The following PAX3 variants were observed in gnomAD, a reference collection of about 807,000 sequenced individuals.
PAX3 encodes the protein paired box 3.
Under a neutral mutation model 51.6 loss-of-function variants are expected in PAX3, and 14 were observed. That is an observed-to-expected ratio of 0.27 (90% CI 0.18 to 0.42). PAX3 has a LOEUF of 0.42. PAX3 is among the 10% of genes least tolerant of loss of function. The probability of loss-of-function intolerance (pLI) is 1.00; values close to 1 mark genes in which losing one functional copy is unlikely to be tolerated. For missense variants in PAX3, 540 were observed against 642.8 expected, an observed-to-expected ratio of 0.84 and a Z score of 1.73; for synonymous variants, 280 against 253.4, an observed-to-expected ratio of 1.11 and a Z score of -1.00.
chr2:222,295,738 C>A, intron 2 of PAX3, 81 bp from the exon 3 acceptor site: 2 of 1,492,808 alleles, frequency 1.3e-6, no homozygotes, highest in East Asian at 2.3e-5. Flanking sequence ...CTGGGCCTGT[C>A]GGGATGCTCC....
intron 5 of PAX3, among the ~76,000 whole-genome samples, chr2:222,229,314 T>C (rs562984433): frequency 7.3e-5 from 11 of 151,244 alleles, no homozygotes; most frequent in African/African-American, 2.7e-4. Flanking sequence ...ATATCAATAC[T>C]GTATTAAAAT....
chr2:222,282,926 G>A (rs1405544461), intron 4 of PAX3, among the ~76,000 whole-genome samples: 1 of 152,200 alleles, frequency 6.6e-6, no homozygotes, highest in Non-Finnish European at 1.5e-5. Context: ...CAGATATAGG[G>A]ATAGGAGAAA....
At chr2:222,287,508 G>C (rs999036260) in intron 4 of PAX3, 1 of 152,182 alleles carries the variant, frequency 6.6e-6, no homozygotes, top group Non-Finnish European at 1.5e-5. Context: ...GCTGTCCCTG[G>C]GGCAGTGTGT....
chr2:222,256,414 C>T (rs45611636), intron 4 of PAX3, among the ~76,000 whole-genome samples: 13,639 of 152,008 alleles, frequency 0.09, 834 homozygotes, highest in Middle Eastern at 0.18. Context: ...AGACCCCTGC[C>T]GTCCTTCCTT....
chr2:222,211,768 A>G (rs539320829), intron 7 of PAX3, among the ~76,000 whole-genome samples: 54 of 152,344 alleles, frequency 3.5e-4, no homozygotes, highest in African/African-American at 1.3e-3. Flanking sequence ...ACACTGAATT[A>G]AACAAAATTA....
chr2:222,287,311 A>G (rs1450297342), intron 4 of PAX3: 5 of 152,258 alleles, frequency 3.3e-5, no homozygotes, highest in Non-Finnish European at 7.3e-5. Context: ...CCTTTTATTC[A>G]CCTATTATAG....
intron 5 of PAX3, among the ~76,000 whole-genome samples, chr2:222,230,592 C>T (rs1574659516): frequency 6.6e-6 from 1 of 152,104 alleles, no homozygotes; most frequent in Admixed American, 6.5e-5. Context: ...CATGGTGGCT[C>T]ATACCTGTAA....
At chr2:222,270,525 GA>G (rs1369290738) in intron 4 of PAX3, among the ~76,000 whole-genome samples, 4 of 152,166 alleles carry the variant, frequency 2.6e-5, no homozygotes. Context: ...TATCTTCAGG[GA>G]AATCAAAAGC....
At chr2:222,203,293 G>A (rs1401203655) in intron 7 of PAX3, among the ~76,000 whole-genome samples, 2 of 151,682 alleles carry the variant, frequency 1.3e-5, no homozygotes, top group African/African-American at 4.8e-5. Flanking sequence ...ACACGAGAGA[G>A]GAAGCGATTT....
Position 222,201,281 on chromosome 2 carries a change from A to T in PAX3, c.*127T>A, listed in dbSNP as rs771742838. ...AATCAATCACTCTCCTTTGTCTCCT[A>T]TTGGGACCACTGCCCCACCCCCCCC... is the stretch of plus-strand genomic sequence containing the variant. On this transcript the variant is annotated 3_prime_UTR_variant, in exon 9 of 9. Transcript: ENST00000392070. 3 of 1,612,926 alleles carry T rather than the reference A, an allele frequency of 1.9e-6. No individual in the cohort carries two copies. The highest frequency in any genetic ancestry group is 2.2e-5 in the South Asian group (2 of 91,042).
At chr2:222,286,927 T>C (rs1018296894) in intron 4 of PAX3, among the ~76,000 whole-genome samples, 1 of 152,260 alleles carries the variant, frequency 6.6e-6, no homozygotes, top group Admixed American at 6.5e-5. Context: ...TCTTCTCTCG[T>C]GAATTGATGT....
At chr2:222,242,121 TG>T (rs1167675115) in intron 4 of PAX3, among the ~76,000 whole-genome samples, 1 of 152,186 alleles carries the variant, frequency 6.6e-6, no homozygotes, top group African/African-American at 2.4e-5. Flanking sequence ...AAAACCATGT[TG>T]TAAAAGACTA....
chr2:222,258,956 T>G (rs908373479), intron 4 of PAX3, among the ~76,000 whole-genome samples: 1 of 152,176 alleles, frequency 6.6e-6, no homozygotes, highest in African/African-American at 2.4e-5. Flanking sequence ...TAAAACACTT[T>G]ATACAAATCC....
At position 222,286,687 on chromosome 2, in the gene PAX3, A is replaced by T. The variant is rs369080914; in HGVS notation, c.586+7480T>A. On this transcript the variant is annotated intron_variant, in intron 4 of 8. Coordinates refer to ENST00000392070, the MANE Select transcript of PAX3 (RefSeq NM_181458.4). ...TTCCCCTAGAAGAAATGTGCATCAA[A>T]TCAAATTCTTAACACTGTTGCCCTT... Among the ~76,000 whole-genome samples, 8 of 152,374 alleles carry T rather than the reference A, an allele frequency of 5.3e-5. No homozygotes were observed. In the South Asian group the frequency reaches 1.2e-3, roughly 24 times the overall value.
intron 4 of PAX3, among the ~76,000 whole-genome samples, chr2:222,290,761 C>A (rs1350438652): frequency 4.6e-5 from 7 of 151,952 alleles, no homozygotes; most frequent in Non-Finnish European, 1.0e-4. Flanking sequence ...AAAAGCGTCA[C>A]CCTGCTGGAG....
At position 222,216,139 on chromosome 2, in the gene PAX3, T is replaced by A. The variant is rs116192043; in HGVS notation, c.1173+4001A>T. 6.1e-3 allele frequency among the ~76,000 whole-genome samples: 927 copies of A among 152,268 alleles called. 9 individuals carry two copies. The highest frequency in any genetic ancestry group is 0.021 in the African/African-American group (887 of 41,566). On this transcript the variant is annotated intron_variant, in intron 7 of 8. Coordinates refer to ENST00000392070, the MANE Select transcript of PAX3 (RefSeq NM_181458.4). ...AGTCGAATATCACTGGGGCAGCCCT[T>A]GGGAAATTTCTTAGGACATTATGCT...
intron 4 of PAX3, among the ~76,000 whole-genome samples, chr2:222,292,698 C>T (rs1695087980): frequency 6.6e-6 from 1 of 152,200 alleles, no homozygotes; most frequent in Non-Finnish European, 1.5e-5. Context: ...TATTCTGCAG[C>T]TAGGCCTGGG....
intron 7 of PAX3, among the ~76,000 whole-genome samples, chr2:222,204,983 ATT>A (rs1429980046): frequency 6.6e-6 from 1 of 152,092 alleles, no homozygotes; most frequent in Non-Finnish European, 1.5e-5. Context: ...CCTGCCATAC[ATT>A]TTTTGTTTGC....
At chr2:222,269,984 A>G (rs1372513412) in intron 4 of PAX3, among the ~76,000 whole-genome samples, 1 of 152,200 alleles carries the variant, frequency 6.6e-6, no homozygotes, top group Non-Finnish European at 1.5e-5. Flanking sequence ...CTATCTACAC[A>G]TTTAGATAAT....
Sources: gnomAD v4.1 joint callset for allele counts (sites outside exome capture counted in the v4.1 genomes callset) on GRCh38, gnomAD v4.1.1 for gene constraint, MANE v1.5 for transcripts, NCBI Gene and HGNC (gene_info 2026-07-23, HGNC 2026-07-21) for gene names.